PLCH2: variants seen among roughly 807,000 people sequenced by gnomAD.
PLCH2 encodes 1-phosphatidylinositol 4,5-bisphosphate phosphodiesterase eta-2.
PLCH2 carries 98 observed loss-of-function variants against 134.7 expected under a neutral mutation model. That is an observed-to-expected ratio of 0.73 (90% CI 0.62 to 0.86). The LOEUF (loss-of-function observed/expected upper bound fraction) is 0.86. Among genes scored for constraint, PLCH2 ranks in the 40% least tolerant of loss-of-function variants. PLCH2 has a pLI of 0.00. For synonymous variants in PLCH2, 974 were observed against 827.5 expected (o/e 1.18, Z -3.04); for missense variants, 1,994 against 1,986.6 (o/e 1.00, Z -0.07).
In PLCH2 at chr1:2,438,218, C is replaced by T. The variant is rs1415459147; in HGVS notation, c.115+7589C>T. Among the ~76,000 whole-genome samples, 3 of 152,236 alleles carry T rather than the reference C, an allele frequency of 2.0e-5. No individual in the cohort carries two copies. In the East Asian group the frequency reaches 5.8e-4, roughly 29 times the overall value. The stretch of plus-strand genomic sequence containing the variant: ...AAGCGCGGAGATGAACGGCGCTCGG[C>T]AGACGGTGTGTGCTGGCGCCCGGCC... On this transcript the variant is annotated intron_variant, in intron 2 of 3. Coordinates refer to the PLCH2 transcript ENST00000609981.
In PLCH2 at chr1:2,498,946, C is replaced by A; in HGVS notation, c.2434+118C>A. 1.5e-6 allele frequency: 2 copies of A among 1,363,960 alleles called. No homozygotes were observed. The highest frequency in any genetic ancestry group is 2.0e-6 in the Non-Finnish European group (2 of 984,436). The allele number at this position is 1,363,960 out of a possible 1,614,324, so 84.5% of individuals were successfully genotyped here. ...CCTCCCTCAGTGACAGTCCTGGGCG[C>A]CCTCCCCTCTAGGTGGGCAGTCCCG... On this transcript the variant is annotated intron_variant, in intron 18 of 21. Transcript: ENST00000378486. This position sits in a 1 kb window ranked among gnomAD's most constrained non-coding sequence, Gnocchi z 5.4.
Position 2,504,123 on chromosome 1 carries a change from G to A in PLCH2, c.3161G>A (p.Ser1054Asn). Residue 1054 changes from serine (S) to asparagine (N), a missense_variant, in exon 22 of 22, where the codon AGC becomes AAC. By Grantham distance (46) the Ser-to-Asn change is conservative (BLOSUM62 1). Transcript: ENST00000378486. ...PLEDTEEPRD[S>N]RPRPCNGEGA... is the part of the protein sequence containing the mutation. ...GAGGACACTGAGGAGCCCCGAGACA[G>A]CAGGCCTCGGCCGTGCAACGGCGAG... 2 of 1,517,610 alleles carry A rather than the reference G, an allele frequency of 1.3e-6. No homozygotes were observed. The highest frequency in any genetic ancestry group is 1.8e-6 in the Non-Finnish European group (2 of 1,133,808). The allele number at this position is 1,517,610 out of a possible 1,614,324, so 94.0% of individuals were successfully genotyped here. A position where few individuals can be genotyped will look rare whatever the true frequency, so the allele number is the denominator to read the frequency against.
intron 10 of PLCH2, among the ~76,000 whole-genome samples, chr1:2,490,746 G>A (rs1032798449): frequency 6.6e-6 from 1 of 152,222 alleles, no homozygotes; most frequent in African/African-American, 2.4e-5. Flanking sequence ...CACCAGGGGC[G>A]TCTGACACCC....
At chr1:2,443,313 G>A (rs1639771361) in intron 2 of PLCH2, among the ~76,000 whole-genome samples, 1 of 152,088 alleles carries the variant, frequency 6.6e-6, no homozygotes, top group Non-Finnish European at 1.5e-5. Flanking sequence ...CTCAAATGGG[G>A]AAGGGATGGC....
rs1030348638 is a variant in PLCH2, at chr1:2,495,565, C to T, written c.1830C>T (p.Ser610=). 5.2e-6 allele frequency: 8 copies of T among 1,546,816 alleles called. No homozygotes were observed. Among genetic ancestry groups the T allele is most frequent in the Non-Finnish European group, 6.1e-6 (7 of 1,144,708 alleles). ...GTCAGGACTCCCCGGGAGGCCAGAG[C>T]CGAGGGTAGGTGCCCTGCCCCACGG... is the stretch of plus-strand genomic sequence containing the variant. The part of the protein sequence containing the change: ...DEGQDSPGGQ[S]RGATRQKKTM... The change falls in exon 13 of 22, where the codon AGC becomes AGT. Residue 610 remains serine (S), a synonymous_variant. Transcript: ENST00000378486.
At chr1:2,427,670 C>T (rs368467211) in intron 1 of PLCH2, among the ~76,000 whole-genome samples, 6 of 152,134 alleles carry the variant, frequency 3.9e-5, no homozygotes, top group East Asian at 3.9e-4. Context: ...AGGAGCAGGC[C>T]GGGGCTTGTG....
At chr1:2,464,613 C>G (rs1351666913), upstream of PLCH2, among the ~76,000 whole-genome samples, 1 of 152,200 alleles carries the variant, frequency 6.6e-6, no homozygotes, top group African/African-American at 2.4e-5. Flanking sequence ...CCACCTCCTG[C>G]TCCCCCAAGC....
At chr1:2,484,662 T>C (rs1357826634) in intron 5 of PLCH2, 44 bp downstream of exon 5, 1 of 1,593,560 alleles carries the variant, frequency 6.3e-7, no homozygotes, top group Non-Finnish European at 8.5e-7. Context: ...CCATCAGGCC[T>C]CGCCTTCTGT....
upstream of PLCH2, among the ~76,000 whole-genome samples, chr1:2,464,954 G>T (rs1162645830): frequency 6.6e-6 from 1 of 152,206 alleles, no homozygotes; most frequent in East Asian, 1.9e-4. Context: ...GGGCTCAGCA[G>T]GCCCTGAGGC....
chr1:2,456,705 C>G (rs1436674872), intron 2 of PLCH2, among the ~76,000 whole-genome samples: 2 of 152,154 alleles, frequency 1.3e-5, no homozygotes, highest in Admixed American at 1.3e-4. Context: ...CAGTTTCCCC[C>G]TCTGAAGCCA....
At chr1:2,438,312 G>A (rs1437638932) in intron 2 of PLCH2, among the ~76,000 whole-genome samples, 1 of 152,238 alleles carries the variant, frequency 6.6e-6, no homozygotes, top group African/African-American at 2.4e-5. Flanking sequence ...TAAGAAGAAA[G>A]GGCAGGGCCC....
upstream of PLCH2, among the ~76,000 whole-genome samples, chr1:2,474,293 G>T (rs1641498197): frequency 6.6e-6 from 1 of 152,170 alleles, no homozygotes; most frequent in Admixed American, 6.5e-5. Context: ...GCTTCACGCT[G>T]CAGCTGCGGT....
the PLCH2 span, among the ~76,000 whole-genome samples, chr1:2,420,059 G>A: frequency 2.0e-5 from 3 of 151,572 alleles, no homozygotes; most frequent in South Asian, 2.1e-4. Flanking sequence ...TGGGGGTGGG[G>A]GCAGGCACAG....
At chr1:2,435,657 C>T (rs183018670) in intron 2 of PLCH2, among the ~76,000 whole-genome samples, 16 of 152,188 alleles carry the variant, frequency 1.1e-4, no homozygotes, top group African/African-American at 3.1e-4. Context: ...GCCCACAGCA[C>T]GCCTGGCCTG....
At chr1:2,480,100 C>T in intron 3 of PLCH2, 83 bp from the exon 4 acceptor site, 1 of 1,588,592 alleles carries the variant, frequency 6.3e-7, no homozygotes, top group Non-Finnish European at 8.6e-7. Context: ...CTGGGGTCCC[C>T]TATTCCTTCC....
chr1:2,493,051 G>A (rs921369364), intron 11 of PLCH2: 2 of 152,172 alleles, frequency 1.3e-5, no homozygotes, highest in Non-Finnish European at 2.9e-5. Flanking sequence ...GGCAGGGCTG[G>A]GGGGCCTGCT....
intron 21 of PLCH2, 95 bp from the exon 22 acceptor site, chr1:2,503,827 A>G (rs1019437381): frequency 3.1e-6 from 2 of 635,958 alleles, no homozygotes; most frequent in East Asian, 5.5e-5. Context: ...CGGGGACACC[A>G]CCCTGATCCG....
Position 2,479,869 on chromosome 1 carries a change from TCTC to T in PLCH2, c.409_411del (p.Ser137del), listed in dbSNP as rs1176676669. The stretch of plus-strand genomic sequence containing the variant: ...AGCCACCGCGAGTCGCTGGACCTGG[TCTC>T]CACCAGCAGCGAGGTGGCGCGCACC... On this transcript the variant is annotated inframe_deletion, in exon 3 of 22. Coordinates refer to ENST00000378486, the MANE Select transcript of PLCH2 (RefSeq NM_014638.4). The T allele has an allele frequency of 2.5e-6, 4 of 1,611,586 alleles. No homozygotes were observed. Among genetic ancestry groups the T allele is most frequent in the Non-Finnish European group, 2.5e-6 (3 of 1,179,500 alleles).
In PLCH2 at chr1:2,504,200, A is replaced by G; in HGVS notation, c.3238A>G (p.Ser1080Gly). 6.4e-7 allele frequency: 1 copy of G among 1,551,820 alleles called. No individual in the cohort carries two copies. Among genetic ancestry groups the G allele is most frequent in the Non-Finnish European group, 8.7e-7 (1 of 1,149,258 alleles). Residue 1080 changes from serine to glycine, a missense_variant, in exon 22 of 22, where the codon AGC becomes GGC. Physicochemically the swap from Ser to Gly is moderately conservative, Grantham distance 56. Around this residue, in one of 2 missense-constraint regions of PLCH2, gnomAD observed 900 missense variants for 752.3 expected, o/e 1.20. Transcript: ENST00000378486. The part of the protein sequence containing the change: ...RAPGSQTDGR[S>G]QPRTLGHLPV... ...CCCCGGCAGCCAGACGGACGGCAGG[A>G]GCCAGCCCCGGACCCTGGGCCACCT... is the stretch of plus-strand genomic sequence containing the variant.
Sources: allele counts gnomAD v4.1 joint callset (sites outside exome capture counted in the v4.1 genomes callset), GRCh38; gene constraint gnomAD v4.1.1; regional missense constraint gnomAD v4.1.1; non-coding constraint Gnocchi (gnomAD v3.1); transcripts MANE v1.5; gene names NCBI Gene and HGNC (gene_info 2026-07-23, HGNC 2026-07-21).